The following RUNDC3B variants were observed in gnomAD, a reference collection of about 807,000 sequenced individuals.
RUNDC3B encodes the protein RUN domain containing 3B, also known as RUN domain-containing protein 3B.
In RUNDC3B, 33 loss-of-function variants were observed where a neutral mutation model predicts 58.4. That is an observed-to-expected ratio of 0.56 (90% CI 0.43 to 0.75). The LOEUF (loss-of-function observed/expected upper bound fraction) is 0.75, where lower values mean the gene tolerates loss of function less well. Among genes scored for constraint, RUNDC3B ranks in the 30% least tolerant of loss-of-function variants. The probability of loss-of-function intolerance (pLI) is 0.00; values close to 1 mark genes in which losing one functional copy is unlikely to be tolerated. For missense variants in RUNDC3B, 501 were observed against 535.7 expected (o/e 0.94, Z 0.64); for synonymous variants, 193 against 195.2 (o/e 0.99, Z 0.10).
At chr7:87,693,763 T>G (rs1017397462) in intron 2 of RUNDC3B, 2 of 656,938 alleles carry the variant, frequency 3.0e-6, no homozygotes, top group South Asian at 2.0e-5. Flanking sequence ...TTAACAGAGT[T>G]CATTTATTTA....
chr7:87,636,016 C>T (rs1821728847), intron 1 of RUNDC3B, among the ~76,000 whole-genome samples: 1 of 152,104 alleles, frequency 6.6e-6, no homozygotes, highest in South Asian at 2.1e-4. Flanking sequence ...TGAGTTGTTT[C>T]TACTTTTTGA....
intron 6 of RUNDC3B, among the ~76,000 whole-genome samples, chr7:87,755,665 C>G (rs980847030): frequency 1.3e-5 from 2 of 152,132 alleles, no homozygotes; most frequent in Admixed American, 6.6e-5. Flanking sequence ...TGATAAAATT[C>G]AACACGCCTT....
At chr7:87,681,022 A>G (rs1462792463) in intron 2 of RUNDC3B, among the ~76,000 whole-genome samples, 2 of 150,540 alleles carry the variant, frequency 1.3e-5, no homozygotes, top group Non-Finnish European at 2.9e-5. Context: ...CAAATTTCCA[A>G]TATCAGGAAT....
At chr7:87,666,041 C>T (rs1222937844) in intron 2 of RUNDC3B, among the ~76,000 whole-genome samples, 1 of 152,034 alleles carries the variant, frequency 6.6e-6, no homozygotes, top group Non-Finnish European at 1.5e-5. Context: ...TCTTTTAGCT[C>T]TTTGAGGAAT....
chr7:87,670,407 G>T (rs185391466), intron 2 of RUNDC3B, among the ~76,000 whole-genome samples: 50 of 152,164 alleles, frequency 3.3e-4, no homozygotes, highest in Middle Eastern at 3.4e-3. Context: ...CCTTGGATTG[G>T]GTTTTGCCAT....
intron 2 of RUNDC3B, among the ~76,000 whole-genome samples, chr7:87,674,224 C>G (rs112188226): frequency 6.6e-6 from 1 of 152,096 alleles, no homozygotes; most frequent in Non-Finnish European, 1.5e-5. Context: ...CGAGGTACAC[C>G]CTCATTGGCT....
chr7:87,663,912 T>TTGTA (rs1824962611), intron 2 of RUNDC3B, among the ~76,000 whole-genome samples: 1 of 152,094 alleles, frequency 6.6e-6, no homozygotes, highest in African/African-American at 2.4e-5. Flanking sequence ...TGGTGACTCT[T>TTGTA]TGTATGATCC....
At chr7:87,729,757 G>T (rs1157440064) in intron 4 of RUNDC3B, among the ~76,000 whole-genome samples, 1 of 152,222 alleles carries the variant, frequency 6.6e-6, no homozygotes, top group African/African-American at 2.4e-5. Flanking sequence ...AGCCAAGAGA[G>T]TGCTTGCATC....
intron 2 of RUNDC3B, among the ~76,000 whole-genome samples, chr7:87,674,866 G>A (rs1306533936): frequency 2.6e-5 from 4 of 152,072 alleles, no homozygotes; most frequent in East Asian, 3.9e-4. Context: ...CAGGTCTGAC[G>A]GTCACCCTAA....
chr7:87,674,078 G>A (rs1826085813), intron 2 of RUNDC3B, among the ~76,000 whole-genome samples: 1 of 152,178 alleles, frequency 6.6e-6, no homozygotes, highest in African/African-American at 2.4e-5. Context: ...GGAAGCTGCT[G>A]CACTGGAAGG....
At chr7:87,634,969 T>C (rs1300113690) in intron 1 of RUNDC3B, among the ~76,000 whole-genome samples, 1 of 152,132 alleles carries the variant, frequency 6.6e-6, no homozygotes, top group Admixed American at 6.6e-5. Flanking sequence ...TCACAAAAGG[T>C]CATTTTCTCT....
At chr7:87,673,909 G>C (rs1207947407) in intron 2 of RUNDC3B, among the ~76,000 whole-genome samples, 1 of 152,092 alleles carries the variant, frequency 6.6e-6, no homozygotes, top group East Asian at 1.9e-4. Flanking sequence ...TGATGCCCTT[G>C]GGTGTTTGAT....
intron 8 of RUNDC3B, among the ~76,000 whole-genome samples, chr7:87,791,510 A>G (rs1238391556): frequency 6.6e-6 from 1 of 152,188 alleles, no homozygotes; most frequent in Non-Finnish European, 1.5e-5. Flanking sequence ...AATAACTACA[A>G]GAATTTTTCA....
intron 10 of RUNDC3B, among the ~76,000 whole-genome samples, chr7:87,821,369 C>A (rs1352143614): frequency 6.6e-6 from 1 of 152,090 alleles, no homozygotes; most frequent in African/African-American, 2.4e-5. Context: ...AACTACAAAC[C>A]ACTGCTCAAT....
intron 1 of RUNDC3B, among the ~76,000 whole-genome samples, chr7:87,648,474 A>G (rs1188785348): frequency 6.6e-6 from 1 of 152,112 alleles, no homozygotes; most frequent in African/African-American, 2.4e-5. Flanking sequence ...CAGCATTGAA[A>G]GTGTAAAGGA....
intron 4 of RUNDC3B, among the ~76,000 whole-genome samples, chr7:87,727,936 A>G (rs1232380196): frequency 6.6e-6 from 1 of 152,152 alleles, no homozygotes; most frequent in Non-Finnish European, 1.5e-5. Flanking sequence ...GCTCATTTTT[A>G]TATAAAAGAA....
At chr7:87,640,853 G>C (rs1332745730) in intron 1 of RUNDC3B, among the ~76,000 whole-genome samples, 5 of 152,022 alleles carry the variant, frequency 3.3e-5, no homozygotes, top group Non-Finnish European at 7.4e-5. Flanking sequence ...ATTTCAGGTA[G>C]TTCCAGAATT....
rs184168742 is a variant in RUNDC3B at position 87,745,395 on chromosome 7, C to T, written c.629+3816C>T. Among the ~76,000 whole-genome samples the T allele has an allele frequency of 9.6e-3, 1,455 of 152,164 alleles. 14 individuals are homozygous for T. The highest frequency in any genetic ancestry group is 0.016 in the Non-Finnish European group (1,057 of 67,966). On this transcript the variant is annotated intron_variant, in intron 6 of 10. Transcript: ENST00000394654. The stretch of plus-strand genomic sequence containing the variant: ...TGGAATAATGTCAAAAGGATTGGTA[C>T]CAATTCTTTGAATGTCTGGTAAAAT...
intron 4 of RUNDC3B, among the ~76,000 whole-genome samples, chr7:87,720,588 T>C (rs1310015583): frequency 6.7e-6 from 1 of 148,432 alleles, no homozygotes; most frequent in Non-Finnish European, 1.5e-5. Flanking sequence ...GCAATAATTA[T>C]AATTTTCTTT....
Sources: allele counts gnomAD v4.1 joint callset (sites outside exome capture counted in the v4.1 genomes callset), GRCh38; gene constraint gnomAD v4.1.1; transcripts MANE v1.5; gene names NCBI Gene and HGNC (gene_info 2026-07-23, HGNC 2026-07-21).